The following GPHN variants were observed in gnomAD, a reference collection of about 807,000 sequenced individuals.
The protein encoded by GPHN is gephyrin.
A neutral mutation model predicts 95.5 loss-of-function variants in GPHN; 17 were observed. The observed-to-expected ratio is 0.18, with a 90% CI of 0.12 to 0.27. The LOEUF (loss-of-function observed/expected upper bound fraction) is 0.27. Ranked by LOEUF, GPHN falls within the 10% of genes least tolerant of loss-of-function variation. The pLI, the probability that GPHN is intolerant of heterozygous loss-of-function variation, is 1.00. For synonymous variants in GPHN, 320 were observed against 322.5 expected, an observed-to-expected ratio of 0.99 and a Z score of 0.08; for missense variants, 660 against 978.1, an observed-to-expected ratio of 0.67 and a Z score of 4.34.
At chr14:67,311,996 T>G in the GPHN span, 4 of 152,678 alleles carry the variant, frequency 2.6e-5, no homozygotes, top group African/African-American at 9.6e-5. Context: ...CCTGCTTAGA[T>G]GAAGAGATGT....
intron 8 of GPHN, among the ~76,000 whole-genome samples, chr14:66,961,104 A>G (rs555142302): frequency 1.8e-4 from 28 of 152,194 alleles, no homozygotes; most frequent in East Asian, 7.7e-4. Context: ...AAAAACCACA[A>G]TTCTTTCAGA....
At chr14:66,549,145 G>T (rs1594921153) in intron 1 of GPHN, among the ~76,000 whole-genome samples, 1 of 152,172 alleles carries the variant, frequency 6.6e-6, no homozygotes, top group Middle Eastern at 3.4e-3. Context: ...TTTTACATTA[G>T]AATGTGTCTA....
chr14:67,619,837 G>A, the GPHN span: 5 of 584,676 alleles, frequency 8.6e-6, no homozygotes, highest in South Asian at 4.2e-5. Context: ...AGGCGCGGGC[G>A]GCGGGGCCAA....
At chr14:66,980,793 G>A (rs1425414086) in intron 9 of GPHN, among the ~76,000 whole-genome samples, 1 of 152,202 alleles carries the variant, frequency 6.6e-6, no homozygotes, top group East Asian at 1.9e-4. Flanking sequence ...GCTTACACCT[G>A]TAATCTCAGC....
chr14:67,056,852 G>A (rs556474722), intron 10 of GPHN, among the ~76,000 whole-genome samples: 1 of 152,302 alleles, frequency 6.6e-6, no homozygotes, highest in African/African-American at 2.4e-5. Context: ...CAGGTCCTGA[G>A]CCCTGCCCCG....
chr14:67,156,203 G>A (rs1288453659), intron 18 of GPHN, among the ~76,000 whole-genome samples: 2 of 152,010 alleles, frequency 1.3e-5, no homozygotes, highest in African/African-American at 4.8e-5. Context: ...GTCTTGTGAG[G>A]CTTAAAATAT....
At chr14:67,704,319 A>G in the GPHN span, among the ~76,000 whole-genome samples, 2 of 152,200 alleles carry the variant, frequency 1.3e-5, no homozygotes, top group African/African-American at 2.4e-5. Flanking sequence ...ATCGTTTCAC[A>G]TATCTTTTTT....
At chr14:67,359,575 C>G in the GPHN span, 1 of 1,486,222 alleles carries the variant, frequency 6.7e-7, no homozygotes, top group South Asian at 1.1e-5. Flanking sequence ...AAACAAGGAC[C>G]CTCACTGTGG....
the GPHN span, chr14:67,678,169 A>G: frequency 1.4e-5 from 8 of 587,082 alleles, no homozygotes; most frequent in East Asian, 2.0e-4. Flanking sequence ...CTGGCAGTAC[A>G]CTGAGTTTTA....
chr14:67,440,751 G>GAAA, the GPHN span, among the ~76,000 whole-genome samples: 46 of 146,274 alleles, frequency 3.1e-4, no homozygotes, highest in African/African-American at 6.0e-4. Flanking sequence ...GTCTCAGAGT[G>GAAA]AAAAAAAAAA....
intron 2 of GPHN, among the ~76,000 whole-genome samples, chr14:66,768,672 A>G (rs1454904769): frequency 3.9e-5 from 6 of 152,034 alleles, no homozygotes; most frequent in Non-Finnish European, 8.8e-5. Flanking sequence ...CAATTAAACA[A>G]TAATAGTTGG....
intron 10 of GPHN, among the ~76,000 whole-genome samples, chr14:67,056,389 G>C (rs2075566771): frequency 6.6e-6 from 1 of 152,126 alleles, no homozygotes; most frequent in Non-Finnish European, 1.5e-5. Flanking sequence ...AGCACTGATT[G>C]GTGCATTTAT....
intron 5 of GPHN, among the ~76,000 whole-genome samples, chr14:66,894,228 C>T (rs2064698590): frequency 6.6e-6 from 1 of 152,120 alleles, no homozygotes; most frequent in Non-Finnish European, 1.5e-5. Flanking sequence ...ACTATCTGAT[C>T]CTGGGCAAAC....
the GPHN span, chr14:67,473,738 G>A: frequency 6.2e-7 from 1 of 1,612,720 alleles, no homozygotes. The surrounding 1 kb of genome is among the most constrained non-coding windows in gnomAD (Gnocchi z 6.5). Context: ...GCAGGTACAT[G>A]CGCTCCACGA....
the GPHN span, among the ~76,000 whole-genome samples, chr14:67,608,279 C>T: frequency 2.0e-5 from 3 of 152,154 alleles, no homozygotes; most frequent in Admixed American, 6.5e-5. Flanking sequence ...GTACTGAACT[C>T]GCGTAGACTT....
At chr14:67,509,960 T>C in the GPHN span, among the ~76,000 whole-genome samples, 1 of 152,102 alleles carries the variant, frequency 6.6e-6, no homozygotes, top group African/African-American at 2.4e-5. Flanking sequence ...CAGTGAGCTA[T>C]GATTGTGCCA....
chr14:67,473,386 T>C, the GPHN span: 2 of 1,604,362 alleles, frequency 1.2e-6, no homozygotes, highest in Admixed American at 1.7e-5. The surrounding 1 kb of genome is among the most constrained non-coding windows in gnomAD (Gnocchi z 6.5). Flanking sequence ...ATGAGTTCCA[T>C]GAGAGATCCC....
intron 11 of GPHN, among the ~76,000 whole-genome samples, chr14:67,061,107 T>A (rs2075808262): frequency 1.3e-5 from 2 of 152,124 alleles, no homozygotes; most frequent in Admixed American, 6.6e-5. Context: ...AATGGCACGA[T>A]CTCGGTTCAC....
At chr14:66,626,925 T>A (rs1246114333) in intron 1 of GPHN, among the ~76,000 whole-genome samples, 2 of 152,030 alleles carry the variant, frequency 1.3e-5, no homozygotes, top group African/African-American at 4.8e-5. Flanking sequence ...AGGTTTTAGG[T>A]TTTGACTGCC....
Sources: gnomAD v4.1 joint callset for allele counts (sites outside exome capture counted in the v4.1 genomes callset) on GRCh38, gnomAD v4.1.1 for gene constraint, Gnocchi (gnomAD v3.1) non-coding constraint, MANE v1.5 for transcripts, NCBI Gene and HGNC (gene_info 2026-07-23, HGNC 2026-07-21) for gene names.